The following DOT1L variants were observed in gnomAD, a reference collection of about 807,000 sequenced individuals.
The protein encoded by DOT1L is DOT1 like histone lysine methyltransferase, also known as histone-lysine N-methyltransferase, H3 lysine-79 specific.
In DOT1L, 33 loss-of-function variants were observed where a neutral mutation model predicts 153.3. The observed-to-expected ratio is 0.22, with a 90% CI of 0.16 to 0.29. The LOEUF (loss-of-function observed/expected upper bound fraction) is 0.29. DOT1L is among the 10% of genes least tolerant of loss of function. DOT1L has a pLI of 1.00. For synonymous variants in DOT1L, 1,135 were observed against 965.1 expected (o/e 1.18, Z -3.26); for missense variants, 1,847 against 2,119.9 (o/e 0.87, Z 2.53).
chr19:2,183,466 G>A (rs1213441553), intron 2 of DOT1L, among the ~76,000 whole-genome samples: 2 of 152,016 alleles, frequency 1.3e-5, no homozygotes, highest in East Asian at 3.9e-4. Context: ...AAGATGATTG[G>A]GCTGTCCTAG....
intron 22 of DOT1L, among the ~76,000 whole-genome samples, chr19:2,218,513 C>T (rs2023988311): frequency 6.6e-6 from 1 of 151,528 alleles, no homozygotes. Context: ...CCTGCCTCAG[C>T]CTCCCGAGTA....
Position 2,230,973 on chromosome 19 carries a change from T to C in DOT1L, c.*1181T>C, listed in dbSNP as rs1040574060. Reference sequence around the variant, plus strand: ...GGGGCCAGGGTGCACTGCTGAAACCTGGCCTCTCTGGCCCTAGGCCCCAGG... The same window carrying C: ...GGGGCCAGGGTGCACTGCTGAAACCCGGCCTCTCTGGCCCTAGGCCCCAGG... On this transcript the variant is annotated 3_prime_UTR_variant, in exon 28 of 28. Coordinates refer to ENST00000398665, the MANE Select transcript of DOT1L (RefSeq NM_032482.3). 4.4e-5 allele frequency: 11 copies of C among 248,280 alleles called. No homozygotes were observed. The highest frequency in any genetic ancestry group is 2.2e-3 in the Middle Eastern group (2 of 912). 15.4% of individuals were successfully genotyped at this position (248,280 alleles called of 1,614,324 possible).
At chr19:2,215,773 G>C (rs2023875412) in intron 19 of DOT1L, 1 of 153,136 alleles carries the variant, frequency 6.5e-6, no homozygotes, top group African/African-American at 2.4e-5. Flanking sequence ...GCCTGGAGTA[G>C]AGCCCTCGGG....
chr19:2,214,763 G>T (rs2023837805), intron 19 of DOT1L, 167 bp downstream of exon 19: 1 of 1,063,874 alleles, frequency 9.4e-7, no homozygotes, highest in Non-Finnish European at 1.3e-6. Flanking sequence ...GCCGCAGGCT[G>T]CCCGTGTGGA....
rs1023836982 is a variant in DOT1L at position 2,213,442 on chromosome 19, T to C, written c.1558-97T>C. On this transcript the variant is annotated intron_variant, in intron 16 of 27. Transcript: ENST00000398665. ...CCTCAGGCATGTCTGTCCTTGAGCGTGTCTTCAGGAAGCATGAGAGGCAGG... is the reference window on the plus strand; with the variant it reads ...CCTCAGGCATGTCTGTCCTTGAGCGCGTCTTCAGGAAGCATGAGAGGCAGG... 6.4e-6 allele frequency: 8 copies of C among 1,243,274 alleles called. No individual in the cohort carries two copies. The African/African-American group carries it at 9.0e-5, about 14-fold the overall frequency. 77.0% of individuals were successfully genotyped at this position (1,243,274 alleles called of 1,614,324 possible). A position where few individuals can be genotyped will look rare whatever the true frequency, so the allele number is the denominator to read the frequency against.
chr19:2,175,399 C>T (rs1432363565), intron 1 of DOT1L, among the ~76,000 whole-genome samples: 6 of 152,198 alleles, frequency 3.9e-5, no homozygotes, highest in Admixed American at 3.9e-4. Context: ...CTCCTGGGCT[C>T]CAGTGATCCT....
In DOT1L at chr19:2,208,200, C is replaced by T. The variant is rs1391913181; in HGVS notation, c.963+520C>T. Among the ~76,000 whole-genome samples the T allele has an allele frequency of 1.3e-5, 2 of 152,132 alleles. No individual in the cohort carries two copies. The highest frequency in any genetic ancestry group is 2.9e-5 in the Non-Finnish European group (2 of 67,992). On this transcript the variant is annotated intron_variant, in intron 11 of 27. Coordinates refer to ENST00000398665, the MANE Select transcript of DOT1L (RefSeq NM_032482.3). This position sits in a 1 kb window ranked among gnomAD's most constrained non-coding sequence, Gnocchi z 4.4. ...TCCCACGGTGCTTCCCCCCCGGGCA[C>T]GAGTATCCCGAGCCTCCTGGCATGT...
chr19:2,223,231 G>C, intron 24 of DOT1L, 50 bp from the exon 25 acceptor site: 1 of 1,596,346 alleles, frequency 6.3e-7, no homozygotes, highest in Non-Finnish European at 8.6e-7. Flanking sequence ...CTCCTGCCTT[G>C]GGGTCCCGGG....
At chr19:2,194,147 C>T (rs1398097017) in intron 6 of DOT1L, among the ~76,000 whole-genome samples, 1 of 151,960 alleles carries the variant, frequency 6.6e-6, no homozygotes, top group Non-Finnish European at 1.5e-5. Flanking sequence ...CCCTGTTGCT[C>T]TGAGAGTTTG....
At position 2,197,837 on chromosome 19, in the gene DOT1L, C is replaced by T. The variant is rs1366595191; in HGVS notation, c.652-2047C>T. On this transcript the variant is annotated intron_variant, in intron 7 of 27. Coordinates refer to ENST00000398665, the MANE Select transcript of DOT1L (RefSeq NM_032482.3). This position sits in a 1 kb window ranked among gnomAD's most constrained non-coding sequence, Gnocchi z 4.1. The stretch of plus-strand genomic sequence containing the variant: ...TCCGTCCTGTTTACAGCCAACCCTG[C>T]TGCGGAGGGTGGGTCAGAGAGGCTT... Among the ~76,000 whole-genome samples the T allele has an allele frequency of 6.6e-6, 1 of 152,206 alleles. No individual in the cohort carries two copies. Among genetic ancestry groups the T allele is most frequent in the Non-Finnish European group, 1.5e-5 (1 of 68,030 alleles).
intron 25 of DOT1L, among the ~76,000 whole-genome samples, chr19:2,223,782 T>TG (rs1300463026): frequency 2.6e-5 from 4 of 152,210 alleles, no homozygotes; most frequent in Non-Finnish European, 4.4e-5. Context: ...AGTGAGGCGT[T>TG]GGAGGTCTCA....
In DOT1L at chr19:2,220,257, T is replaced by C. The variant is rs748510547; in HGVS notation, c.2806+35T>C. 31 of 1,481,172 alleles carry C rather than the reference T, an allele frequency of 2.1e-5. No individual in the cohort carries two copies. Among genetic ancestry groups the C allele is most frequent in the South Asian group, 7.0e-5 (6 of 85,560 alleles). The allele number at this position is 1,481,172 out of a possible 1,614,324, so 91.8% of individuals were successfully genotyped here. On this transcript the variant is annotated intron_variant, in intron 23 of 27. Transcript: ENST00000398665. The surrounding 1 kb of genome is among the most constrained non-coding windows in gnomAD (Gnocchi z 4.5). ...CTCCTGTGCCCTACCCTCAGGACTC[T>C]GCTGCTGCTGCTGCTCTTCAGGCAG...
In DOT1L at chr19:2,217,643, G is replaced by T; in HGVS notation, c.2545-129G>T. On this transcript the variant is annotated intron_variant, in intron 21 of 27. Coordinates refer to ENST00000398665, the MANE Select transcript of DOT1L (RefSeq NM_032482.3). This position sits in a 1 kb window ranked among gnomAD's most constrained non-coding sequence, Gnocchi z 7.3. ...AGGAGGGCCTGACTGCGTGGGGAAG[G>T]TTGCAGGGCCTTGGCAGCGTGGGGG... The T allele has an allele frequency of 7.3e-7, 1 of 1,363,454 alleles. No individual in the cohort carries two copies. The highest frequency in any genetic ancestry group is 1.4e-5 in the African/African-American group (1 of 69,696). 84.5% of individuals were successfully genotyped at this position (1,363,454 alleles called of 1,614,324 possible).
Position 2,207,071 on chromosome 19 carries a change from C to T in DOT1L, c.856+274C>T, listed in dbSNP as rs143646595. Among the ~76,000 whole-genome samples, 1,022 of 152,300 alleles carry T rather than the reference C, an allele frequency of 6.7e-3. 9 individuals carry two copies. Among genetic ancestry groups the T allele is most frequent in the African/African-American group, 0.023 (957 of 41,562 alleles). On this transcript the variant is annotated intron_variant, in intron 10 of 27. Transcript: ENST00000398665. The surrounding 1 kb of genome is among the most constrained non-coding windows in gnomAD (Gnocchi z 4.5). ...TCACTCCTCGGGGAGACCCCGGCTTCGAGGGGAGGCGTGAAGGATTTACAG... is the reference window on the plus strand; with the variant it reads ...TCACTCCTCGGGGAGACCCCGGCTTTGAGGGGAGGCGTGAAGGATTTACAG...
Position 2,210,501 on chromosome 19 carries a change from C to T in DOT1L, c.1107C>T (p.Asp369=), listed in dbSNP as rs768208406. 27 of 1,595,106 alleles carry T rather than the reference C, an allele frequency of 1.7e-5. No homozygotes were observed. The highest frequency in any genetic ancestry group is 1.8e-4 in the Middle Eastern group (1 of 5,710). Residue 369 remains aspartate (D), a synonymous_variant, in exon 13 of 28, where the codon GAC becomes GAT. Transcript: ENST00000398665. The part of the protein sequence containing the change: ...GPEGKVAGPA[D]APMDSGAEEE... The stretch of plus-strand genomic sequence containing the variant: ...AGGGCAAGGTGGCCGGCCCCGCCGA[C>T]GCCCCCATGGTAAGGCCCCAGCCTG...
chr19:2,175,148 A>C (rs1056100309), intron 1 of DOT1L, among the ~76,000 whole-genome samples: 4 of 151,656 alleles, frequency 2.6e-5, no homozygotes, highest in Non-Finnish European at 4.4e-5. Context: ...ACAGGCGCCC[A>C]CCACCACGCC....
In DOT1L at chr19:2,216,966, C is replaced by G; in HGVS notation, c.2420C>G (p.Thr807Ser). The G allele has an allele frequency of 6.2e-7, 1 of 1,612,578 alleles. No individual in the cohort carries two copies. Among genetic ancestry groups the G allele is most frequent in the Non-Finnish European group, 8.5e-7 (1 of 1,179,514 alleles). The change falls in exon 21 of 28, where the codon ACC (threonine) becomes AGC (serine). Residue 807 changes from threonine to serine, a missense_variant. Transcript: ENST00000398665. ...ASELHSRAEH[T>S]KENGLPYQSP... ...GCTTCTCATTCCAGAGCTGAGCACACCAAGGAGAACGGCCTTCCCTACCAG... is the reference window on the plus strand; with the variant it reads ...GCTTCTCATTCCAGAGCTGAGCACAGCAAGGAGAACGGCCTTCCCTACCAG...
chr19:2,217,634 G>A lies in DOT1L; in HGVS notation c.2545-138G>A, dbSNP rs897644829. ...CCGGTGTCCAGGAGGGCCTGACTGCGTGGGGAAGGTTGCAGGGCCTTGGCA... is the reference window on the plus strand; with the variant it reads ...CCGGTGTCCAGGAGGGCCTGACTGCATGGGGAAGGTTGCAGGGCCTTGGCA... On this transcript the variant is annotated intron_variant, in intron 21 of 27. Transcript: ENST00000398665. The surrounding 1 kb of genome is among the most constrained non-coding windows in gnomAD (Gnocchi z 7.3). 5.5e-6 allele frequency: 7 copies of A among 1,271,216 alleles called. No homozygotes were observed. Among genetic ancestry groups the A allele is most frequent in the Admixed American group, 4.5e-5 (2 of 44,332 alleles). The allele number at this position is 1,271,216 out of a possible 1,614,324, so 78.7% of individuals were successfully genotyped here.
chr19:2,227,910 C>T, intron 27 of DOT1L: 1 of 1,199,978 alleles, frequency 8.3e-7, no homozygotes, highest in South Asian at 1.5e-5. Context: ...GCCGCCCCCT[C>T]CGCCTCCGCC....
Sources: gnomAD v4.1 joint callset for allele counts (sites outside exome capture counted in the v4.1 genomes callset) on GRCh38, gnomAD v4.1.1 for gene constraint, Gnocchi (gnomAD v3.1) non-coding constraint, MANE v1.5 for transcripts, NCBI Gene and HGNC (gene_info 2026-07-23, HGNC 2026-07-21) for gene names.